DUOX1: variants seen among roughly 807,000 people sequenced by gnomAD.
DUOX1 encodes dual oxidase 1, also known as NADPH thyroid oxidase 1.
In DUOX1, 134 loss-of-function variants were observed where a neutral mutation model predicts 181.8. That is an observed-to-expected ratio of 0.74 (90% CI 0.64 to 0.85). The LOEUF (loss-of-function observed/expected upper bound fraction) is 0.85, where lower values mean the gene tolerates loss of function less well. DUOX1 is among the 40% of genes least tolerant of loss of function. DUOX1 has a pLI of 0.00. For synonymous variants in DUOX1, 798 were observed against 832.5 expected (o/e 0.96, Z 0.71); for missense variants, 1,814 against 2,064.4 (o/e 0.88, Z 2.35).
At chr15:45,141,241 G>T in intron 13 of DUOX1, 51 bp from the exon 14 acceptor site, 1 of 1,602,200 alleles carries the variant, frequency 6.2e-7, no homozygotes, top group Non-Finnish European at 8.5e-7. Context: ...GGGGTTGCTG[G>T]AGGCCTGCAT....
chr15:45,164,193 GCTACCCTCACCA>G (rs58499013), intron 33 of DUOX1, among the ~76,000 whole-genome samples: 87,611 of 151,762 alleles, frequency 0.58, 27,192 homozygotes, highest in East Asian at 0.94. Flanking sequence ...AAAACTCGGG[GCTACCCTCACCA>G]CTACCCTCAC....
intron 2 of DUOX1, 115 bp downstream of exon 2, chr15:45,132,139 ACACAGTGCCCT>A: frequency 1.1e-6 from 1 of 914,584 alleles, no homozygotes; most frequent in Non-Finnish European, 1.7e-6. Flanking sequence ...TCTCTAGCTG[ACACAGTGCCCT>A]GCACATGAGA....
Position 45,161,841 on chromosome 15 carries a change from C to T in DUOX1, c.3960C>T (p.Pro1320=), listed in dbSNP as rs1357745588. ...CTCTGGGGACCACCGAGTACCACCC[C>T]TTCACACTGACCTCTGCGCCCCATG... ...CLALGTTEYH[P]FTLTSAPHED... The change falls in exon 30 of 34, where the codon CCC becomes CCT. Residue 1320 remains proline, a synonymous_variant. Coordinates refer to ENST00000389037, the MANE Select transcript of DUOX1 (RefSeq NM_175940.3). 6.2e-7 allele frequency: 1 copy of T among 1,614,064 alleles called. No homozygotes were observed. Among genetic ancestry groups the T allele is most frequent in the South Asian group, 1.1e-5 (1 of 91,070 alleles).
At chr15:45,151,317 TG>T in intron 23 of DUOX1, 69 bp downstream of exon 23, 1 of 1,576,158 alleles carries the variant, frequency 6.3e-7, no homozygotes, top group East Asian at 2.2e-5. Flanking sequence ...ATCTTTTCCT[TG>T]GTGCCAGGCA....
Position 45,164,882 on chromosome 15 carries a change from A to C in DUOX1, c.4637A>C (p.His1546Pro). ...INRQDRTHFS[H>P]HYENF is the part of the protein sequence containing the mutation. ...AGGCAGGACCGGACTCACTTCTCCC[A>C]CCATTATGAGAACTTCTAGGCCCCT... The change falls in exon 34 of 34, where the codon CAC becomes CCC. Residue 1546 changes from histidine (H) to proline (P), a missense_variant. Transcript: ENST00000389037. The C allele has an allele frequency of 6.2e-7, 1 of 1,614,052 alleles. No homozygotes were observed. Among genetic ancestry groups the C allele is most frequent in the African/African-American group, 1.3e-5 (1 of 74,992 alleles).
Position 45,136,596 on chromosome 15 carries a change from C to A in DUOX1, c.993C>A (p.Ser331=), listed in dbSNP as rs151146127. The change falls in exon 9 of 34, where the codon TCC becomes TCA. Residue 331 remains serine (S), a synonymous_variant. Transcript: ENST00000389037. ...TGGCGGCCTCTGAGCAGTTCCTGTC[C>A]ACCATGGTGCCCCCTGGCGTCTACA... ...EFVAASEQFL[S]TMVPPGVYMR... The A allele has an allele frequency of 7.7e-4, 1,236 of 1,614,080 alleles. 7 individuals are homozygous for A. The highest frequency in any genetic ancestry group is 1.0e-4 in the Non-Finnish European group (119 of 1,180,034).
Position 45,136,585 on chromosome 15 carries a change from C to T in DUOX1, c.982C>T (p.Gln328Ter). ...CTCAGAGTTCGTGGCGGCCTCTGAGCAGTTCCTGTCCACCATGGTGCCCCC... is the reference window on the plus strand; with the variant it reads ...CTCAGAGTTCGTGGCGGCCTCTGAGTAGTTCCTGTCCACCATGGTGCCCCC... ...ISSEFVAASE[Q>*]FLSTMVPPGV... Residue 328 changes from glutamine to a stop codon, truncating the protein, a stop_gained, in exon 9 of 34, where the codon CAG (glutamine) becomes TAG (stop). Transcript: ENST00000389037. LOFTEE classifies it high-confidence loss of function. The T allele has an allele frequency of 1.2e-6, 2 of 1,614,132 alleles. No individual in the cohort carries two copies. Among genetic ancestry groups the T allele is most frequent in the Non-Finnish European group, 1.7e-6 (2 of 1,180,028 alleles).
intron 21 of DUOX1, among the ~76,000 whole-genome samples, chr15:45,149,092 G>A (rs943362748): frequency 2.0e-5 from 3 of 152,106 alleles, no homozygotes; most frequent in African/African-American, 7.2e-5. Context: ...CAGGCAGGAG[G>A]GTCTGTCTGT....
At chr15:45,136,322 C>G in intron 7 of DUOX1, 28 bp from the exon 8 acceptor site, 4 of 1,612,592 alleles carry the variant, frequency 2.5e-6, no homozygotes, top group Non-Finnish European at 3.4e-6. Flanking sequence ...CCAACTCGTG[C>G]CTCCCCTCGC....
At position 45,155,931 on chromosome 15, in the gene DUOX1, T is replaced by A; in HGVS notation, c.3702+2T>A. ...CTCTACATCCTGCTCTATGTCCTGG[T>A]GAGGGCTTTTGGCTGTGAGCCAGGC... is the stretch of plus-strand genomic sequence containing the variant. On this transcript the variant is annotated splice_donor_variant, in intron 28 of 33. Coordinates refer to ENST00000389037, the MANE Select transcript of DUOX1 (RefSeq NM_175940.3). LOFTEE classifies it high-confidence loss of function. 1 of 1,614,160 alleles carries A rather than the reference T, an allele frequency of 6.2e-7. No homozygotes were observed.
intron 25 of DUOX1, 128 bp downstream of exon 25, chr15:45,152,644 C>T (rs1433307265): frequency 2.1e-6 from 2 of 969,340 alleles, no homozygotes; most frequent in Non-Finnish European, 3.1e-6. Flanking sequence ...TGGAGTTGGC[C>T]TGGGCCAGGG....
rs1415829507 is a variant in DUOX1 at position 45,135,951 on chromosome 15, C to A, written c.864+3C>A. ...AGAGGGTCATCGCCACCTACCAGGT[C>A]AGCCGTCCGCGCCCCGCGACGTCCT... is the stretch of plus-strand genomic sequence containing the variant. On this transcript the variant is annotated splice_donor_region_variant and intron_variant, in intron 7 of 33. Transcript: ENST00000389037. The A allele has an allele frequency of 1.9e-5, 26 of 1,386,112 alleles. No individual in the cohort carries two copies. Among genetic ancestry groups the A allele is most frequent in the Non-Finnish European group, 2.4e-5 (25 of 1,021,576 alleles). The allele number at this position is 1,386,112 out of a possible 1,614,324, so 85.9% of individuals were successfully genotyped here.
chr15:45,148,753 G>C (rs1896727809), intron 21 of DUOX1, among the ~76,000 whole-genome samples: 1 of 152,092 alleles, frequency 6.6e-6, no homozygotes, highest in Non-Finnish European at 1.5e-5. Context: ...GTAGGGTCAG[G>C]ATAGGGTAGG....
intron 1 of DUOX1, 74 bp from the exon 2 acceptor site, chr15:45,131,844 C>A: frequency 1.9e-6 from 2 of 1,070,876 alleles, no homozygotes; most frequent in Non-Finnish European, 2.8e-6. Flanking sequence ...GGCCTTGATT[C>A]ACAGAGGCCT....
At chr15:45,148,038 G>A (rs1896700776) in intron 20 of DUOX1, 41 bp downstream of exon 20, 1 of 1,554,984 alleles carries the variant, frequency 6.4e-7, no homozygotes, top group Non-Finnish European at 8.9e-7. Flanking sequence ...GCCAGGGCAG[G>A]GATGCCAGGG....
intron 28 of DUOX1, among the ~76,000 whole-genome samples, chr15:45,157,952 C>A (rs1326658410): frequency 6.6e-6 from 1 of 152,064 alleles, no homozygotes. Flanking sequence ...CCCACTTGTC[C>A]CAGGCGTGAC....
In DUOX1 at chr15:45,155,809, G is replaced by A. The variant is rs148179597; in HGVS notation, c.3582G>A (p.Thr1194=). The A allele has an allele frequency of 8.4e-5, 135 of 1,613,630 alleles. No homozygotes were observed. The highest frequency in any genetic ancestry group is 1.7e-4 in the Middle Eastern group (1 of 5,868). ...CCTATATTCATTTTGCAGGCCTCACGGGGGTTGTGCTGCTCCTGATCCTGG... is the reference window on the plus strand; with the variant it reads ...CCTATATTCATTTTGCAGGCCTCACAGGGGTTGTGCTGCTCCTGATCCTGG... The part of the protein sequence containing the change: ...WWFFQTVPGL[T]GVVLLLILAI... The change falls in exon 28 of 34, where the codon ACG becomes ACA. Residue 1194 remains threonine (T), a synonymous_variant. Coordinates refer to ENST00000389037, the MANE Select transcript of DUOX1 (RefSeq NM_175940.3).
chr15:45,163,996 G>A (rs1648314), intron 33 of DUOX1, 78 bp downstream of exon 33: 1,521,823 of 1,556,596 alleles, frequency 0.98, 746,643 homozygotes, highest in Non-Finnish European at 1. Flanking sequence ...CTTCCCCATC[G>A]AGGAAGAAAT....
intron 20 of DUOX1, 23 bp downstream of exon 20, chr15:45,148,020 G>C: frequency 6.3e-7 from 1 of 1,598,280 alleles, no homozygotes; most frequent in South Asian, 1.1e-5. Flanking sequence ...GGACAGCCAG[G>C]AGAATGGGCC....
Sources: allele counts gnomAD v4.1 joint callset (sites outside exome capture counted in the v4.1 genomes callset), GRCh38; gene constraint gnomAD v4.1.1; transcripts MANE v1.5; gene names NCBI Gene and HGNC (gene_info 2026-07-23, HGNC 2026-07-21).